Variants in RNF214 observed in about 807,000 individuals in gnomAD.
RNF214 encodes the protein ring finger protein 214.
In RNF214, 25 loss-of-function variants were observed where a neutral mutation model predicts 75.9. The ratio of observed to expected loss-of-function variants is 0.33; its 90% CI spans 0.24 to 0.46. The LOEUF is 0.46. RNF214 is among the 20% of genes least tolerant of loss of function. The pLI is 1.00. For missense variants in RNF214, 725 were observed against 857.5 expected (o/e 0.85, Z 1.93); for synonymous variants, 314 against 308.8 (o/e 1.02, Z -0.18).
chr11:117,240,287 G>A (rs1263236914), intron 4 of RNF214, among the ~76,000 whole-genome samples: 1 of 149,458 alleles, frequency 6.7e-6, no homozygotes, highest in Non-Finnish European at 1.5e-5. Flanking sequence ...AGGATCACCT[G>A]TTCACCTGAG....
At position 117,281,923 on chromosome 11, in the gene RNF214, C is replaced by T. The variant is rs190453267; in HGVS notation, c.1365C>T (p.Pro455=). The part of the protein sequence containing the change: ...ETDFMLQVFQ[P]SPSLAPRMPF... Reference sequence around the variant, plus strand: ...ACTTCATGCTTCAGGTGTTTCAACCCAGTCCCTCTCTGGCTCCTCGGATGC... The same window carrying T: ...ACTTCATGCTTCAGGTGTTTCAACCTAGTCCCTCTCTGGCTCCTCGGATGC... The change falls in exon 11 of 15, where the codon CCC becomes CCT. Residue 455 remains proline, a synonymous_variant. Coordinates refer to ENST00000300650, the MANE Select transcript of RNF214 (RefSeq NM_207343.4). 1 of 1,613,976 alleles carries T rather than the reference C, an allele frequency of 6.2e-7. No individual in the cohort carries two copies. Among genetic ancestry groups the T allele is most frequent in the Admixed American group, 1.7e-5 (1 of 60,004 alleles).
chr11:117,265,673 C>T (rs1456995285), intron 6 of RNF214, among the ~76,000 whole-genome samples: 2 of 152,174 alleles, frequency 1.3e-5, no homozygotes, highest in African/African-American at 4.8e-5. Context: ...CCTTGGCCTC[C>T]CAAAGTGTTG....
rs1299636078 is a variant in RNF214 at position 117,238,963 on chromosome 11, C to T, written c.470C>T (p.Thr157Ile). The T allele has an allele frequency of 6.2e-7, 1 of 1,614,166 alleles. No homozygotes were observed. ...TGCTCTGAAGAGAAATCCCCACAAA[C>T]CTCCATCCTAAAGGAAGGTAACAGG... ...RNCSEEKSPQTSILKEGNRDT... is the reference protein window; with the variant it reads ...RNCSEEKSPQISILKEGNRDT... Residue 157 changes from threonine (T) to isoleucine (I), a missense_variant, in exon 3 of 15, where the codon ACC becomes ATC. Transcript: ENST00000300650.
chr11:117,245,926 TG>T (rs1361813863), intron 5 of RNF214, among the ~76,000 whole-genome samples: 3 of 152,130 alleles, frequency 2.0e-5, no homozygotes, highest in African/African-American at 7.2e-5. Flanking sequence ...TGGGTGGAAG[TG>T]GTATGAAGTG....
chr11:117,244,334 A>G, intron 4 of RNF214, 111 bp from the exon 5 acceptor site: 3 of 793,260 alleles, frequency 3.8e-6, no homozygotes, highest in Non-Finnish European at 6.1e-6. Context: ...GAGTAGCTTC[A>G]TTATTGGATA....
In RNF214 at chr11:117,279,969, A is replaced by G; in HGVS notation, c.1021A>G (p.Ile341Val). ...TCAGGATGGCGAAATAAATAGGAACATTATGGAAGAGACTGAACGGGCCTG... is the reference window on the plus strand; with the variant it reads ...TCAGGATGGCGAAATAAATAGGAACGTTATGGAAGAGACTGAACGGGCCTG... ...KNQDGEINRN[I>V]MEETERAWKA... The change falls in exon 7 of 15, where the codon ATT becomes GTT. Residue 341 changes from isoleucine to valine, a missense_variant. Ile to Val is a conservative substitution (Grantham distance 29). Around this residue, in one of 2 missense-constraint regions of RNF214, gnomAD observed 363 missense variants for 513.0 expected, o/e 0.71. Transcript: ENST00000300650. 1 of 1,613,626 alleles carries G rather than the reference A, an allele frequency of 6.2e-7. No homozygotes were observed. The highest frequency in any genetic ancestry group is 8.5e-7 in the Non-Finnish European group (1 of 1,179,828).
At chr11:117,276,150 G>A (rs116614274) in intron 6 of RNF214, among the ~76,000 whole-genome samples, 21 of 152,200 alleles carry the variant, frequency 1.4e-4, no homozygotes, top group African/African-American at 4.6e-4. Flanking sequence ...CATTTCAATA[G>A]ATTTAGAAAA....
At chr11:117,258,438 G>A (rs1051306961) in intron 6 of RNF214, among the ~76,000 whole-genome samples, 2 of 151,636 alleles carry the variant, frequency 1.3e-5, no homozygotes, top group Non-Finnish European at 2.9e-5. Context: ...TTTTATCTGA[G>A]GTCTTATTTT....
intron 5 of RNF214, among the ~76,000 whole-genome samples, chr11:117,245,183 G>GT (rs2033182494): frequency 6.7e-6 from 1 of 150,366 alleles, no homozygotes; most frequent in Admixed American, 6.6e-5. Context: ...GCCGGGCGTG[G>GT]TGGTGTGCAC....
intron 6 of RNF214, among the ~76,000 whole-genome samples, chr11:117,255,896 C>T (rs1270666251): frequency 6.6e-6 from 1 of 152,074 alleles, no homozygotes; most frequent in African/African-American, 2.4e-5. Flanking sequence ...ATGTCATTTC[C>T]CTGCTTAAAT....
chr11:117,246,996 G>A (rs773965691), intron 6 of RNF214, 48 bp downstream of exon 6: 8 of 1,421,744 alleles, frequency 5.6e-6, no homozygotes, highest in Admixed American at 2.2e-5. Flanking sequence ...ATATATGCAT[G>A]AGGGGCCAGA....
intron 6 of RNF214, among the ~76,000 whole-genome samples, chr11:117,266,549 AG>A (rs1436912030): frequency 1.2e-4 from 18 of 152,082 alleles, no homozygotes; most frequent in African/African-American, 4.3e-4. Context: ...GTTCAGAGAC[AG>A]GGGTTTGCCA....
chr11:117,238,500 C>T, intron 2 of RNF214, 101 bp from the exon 3 acceptor site: 1 of 1,008,750 alleles, frequency 9.9e-7, no homozygotes, highest in South Asian at 1.6e-5. Flanking sequence ...TAAGTTCTTT[C>T]ATTATGATAG....
intron 14 of RNF214, 74 bp downstream of exon 14, chr11:117,283,284 T>C (rs979428273): frequency 2.9e-6 from 3 of 1,033,086 alleles, no homozygotes; most frequent in African/African-American, 3.2e-5. Context: ...TTTCTCATTT[T>C]CTACTCTTTT....
intron 6 of RNF214, among the ~76,000 whole-genome samples, chr11:117,275,264 AAG>A (rs2033993968): frequency 6.6e-6 from 1 of 152,290 alleles, no homozygotes; most frequent in East Asian, 1.9e-4. Context: ...AAGCAATACT[AAG>A]AGGGAAGTTT....
At position 117,238,642 on chromosome 11, in the gene RNF214, T is replaced by TA; in HGVS notation, c.149_150insA (p.Ser51GlufsTer4). The TA allele has an allele frequency of 1.2e-6, 2 of 1,614,208 alleles. No homozygotes were observed. The highest frequency in any genetic ancestry group is 1.7e-6 in the Non-Finnish European group (2 of 1,180,008). On this transcript the variant is annotated frameshift_variant, in exon 3 of 15. Transcript: ENST00000300650. LOFTEE classifies it high-confidence loss of function. ...CAGAAGCAGAAGAACTCGCCTCTGT[T>TA]GAGTGTAAGTAGCCAAACAATAACC...
rs112855923 is a variant in RNF214 at position 117,272,494 on chromosome 11, C to T, written c.960-7414C>T. 6.9e-3 allele frequency among the ~76,000 whole-genome samples: 1,052 copies of T among 152,026 alleles called. 15 individuals carry two copies. The highest frequency in any genetic ancestry group is 0.023 in the African/African-American group (965 of 41,420). ...GGACAAATAGCTAATGTATGCGGGGCTTAAAACCTAGATGACGGGTTGATA... is the reference window on the plus strand; with the variant it reads ...GGACAAATAGCTAATGTATGCGGGGTTTAAAACCTAGATGACGGGTTGATA... On this transcript the variant is annotated intron_variant, in intron 6 of 14. Coordinates refer to ENST00000300650, the MANE Select transcript of RNF214 (RefSeq NM_207343.4).
intron 6 of RNF214, among the ~76,000 whole-genome samples, chr11:117,271,815 T>TTTG (rs948553845): frequency 6.6e-6 from 1 of 151,984 alleles, no homozygotes; most frequent in Non-Finnish European, 1.5e-5. Context: ...GAGGTGTTTT[T>TTTG]TTGTTGTTGT....
intron 6 of RNF214, among the ~76,000 whole-genome samples, chr11:117,251,291 C>T (rs1181077672): frequency 1.0e-5 from 1 of 95,320 alleles, no homozygotes; most frequent in African/African-American, 4.6e-5. Context: ...GGCGGCTGGC[C>T]GGGCAGAGGG....
Sources: allele counts gnomAD v4.1 joint callset (sites outside exome capture counted in the v4.1 genomes callset), GRCh38; gene constraint gnomAD v4.1.1; regional missense constraint gnomAD v4.1.1; transcripts MANE v1.5; gene names NCBI Gene and HGNC (gene_info 2026-07-23, HGNC 2026-07-21).